The following TEX11 variants were observed in gnomAD, a reference collection of about 807,000 sequenced individuals.
TEX11 encodes the protein testis-expressed protein 11.
TEX11 carries 7 observed loss-of-function variants against 84.4 expected under a neutral mutation model. The ratio of observed to expected loss-of-function variants is 0.08; its 90% CI spans 0.05 to 0.16. The LOEUF is 0.16. Ranked by LOEUF, TEX11 falls within the 10% of genes least tolerant of loss-of-function variation. TEX11 has a pLI of 1.00. For synonymous variants in TEX11, 264 were observed against 222.8 expected (o/e 1.18, Z -1.64); for missense variants, 551 against 660.5 (o/e 0.83, Z 1.82).
intron 28 of TEX11, among the ~76,000 whole-genome samples, chrX:70,547,212 C>T (rs896383440): frequency 9.1e-6 from 1 of 109,737 alleles, no homozygotes; most frequent in Non-Finnish European, 1.9e-5. Context: ...TCTGTGGTTG[C>T]CTGGAGCTGA....
chrX:70,581,293 G>C (rs1361905008), intron 25 of TEX11, among the ~76,000 whole-genome samples: 1 of 62,491 alleles, frequency 1.6e-5, no homozygotes, highest in Admixed American at 1.8e-4. Flanking sequence ...ATATACTGTT[G>C]CTTTTTTTTT....
chrX:70,743,705 G>A (rs892595735), intron 10 of TEX11, among the ~76,000 whole-genome samples: 5 of 110,476 alleles, frequency 4.5e-5, no homozygotes, highest in South Asian at 3.9e-4. Context: ...GCAGAACCCC[G>A]TCTCTGCTAA....
chrX:70,563,508 C>T (rs1029140008), intron 25 of TEX11, among the ~76,000 whole-genome samples: 1 of 111,677 alleles, frequency 9.0e-6, no homozygotes, highest in Non-Finnish European at 1.9e-5. Flanking sequence ...TCAATTAGAC[C>T]TAAGATGTGA....
intron 3 of TEX11, among the ~76,000 whole-genome samples, chrX:70,874,711 A>C (rs1472438116): frequency 2.7e-5 from 3 of 109,430 alleles, no homozygotes; most frequent in Non-Finnish European, 5.7e-5. Flanking sequence ...TGACTTTCAT[A>C]CTAAGTATTA....
intron 9 of TEX11, among the ~76,000 whole-genome samples, chrX:70,797,948 C>G (rs919335211): frequency 1.1e-5 from 1 of 94,054 alleles, no homozygotes; most frequent in Non-Finnish European, 2.1e-5. Context: ...AGGAAAAAAG[C>G]AAAGCAAAGA....
At chrX:70,749,960 G>C (rs1031321778) in intron 9 of TEX11, among the ~76,000 whole-genome samples, 114 of 110,979 alleles carry the variant, frequency 1.0e-3, no homozygotes, top group African/African-American at 3.6e-3. Flanking sequence ...CACAGCAAAA[G>C]AAACTACCAT....
chrX:70,782,717 A>T (rs1408051502), intron 9 of TEX11, among the ~76,000 whole-genome samples: 1 of 108,634 alleles, frequency 9.2e-6, no homozygotes, highest in Non-Finnish European at 1.9e-5. Context: ...ACCAGTAAAG[A>T]TCAAAAAAGA....
At chrX:70,711,252 T>A (rs2090429770) in intron 13 of TEX11, among the ~76,000 whole-genome samples, 1 of 111,657 alleles carries the variant, frequency 9.0e-6, no homozygotes, top group Non-Finnish European at 1.9e-5. Context: ...TAAACATACG[T>A]GTACATGTGT....
intron 2 of TEX11, among the ~76,000 whole-genome samples, chrX:70,891,495 A>G (rs925591165): frequency 9.0e-6 from 1 of 111,583 alleles, no homozygotes; most frequent in Non-Finnish European, 1.9e-5. Flanking sequence ...AAAAAAGATT[A>G]GATGAATGGC....
intron 3 of TEX11, among the ~76,000 whole-genome samples, chrX:70,876,908 A>AAAAC (rs767494813): frequency 0.1 from 11,253 of 110,359 alleles, 611 homozygotes; most frequent in Non-Finnish European, 0.16. Context: ...ACTGTCTCAA[A>AAAAC]AAACAAACAA....
intron 20 of TEX11, among the ~76,000 whole-genome samples, chrX:70,620,711 A>G (rs1244445054): frequency 1.8e-5 from 2 of 112,669 alleles, no homozygotes; most frequent in African/African-American, 6.4e-5. Context: ...GATGCCCTTC[A>G]GTAGGTGAAT....
chrX:70,570,871 T>C (rs1039163670), intron 25 of TEX11, among the ~76,000 whole-genome samples: 2 of 111,751 alleles, frequency 1.8e-5, no homozygotes, highest in African/African-American at 6.5e-5. Context: ...GATTTTAATG[T>C]CTGAGGGATT....
chrX:70,528,907 A>T, downstream of TEX11: 1 of 436,178 alleles, frequency 2.3e-6, no homozygotes, highest in Non-Finnish European at 4.0e-6. Context: ...TGGAAAATTC[A>T]TTTGTCCCCC....
At position 70,759,827 on chromosome X, in the gene TEX11, G is replaced by A. The variant is rs184614771; in HGVS notation, c.693-15608C>T. On this transcript the variant is annotated intron_variant, in intron 9 of 29. Coordinates refer to ENST00000374333, the MANE Select transcript of TEX11 (RefSeq NM_031276.3). ...TAGGAAAAGAGGAAGTCAAATTGTCGCTGTTTGCAGATGACATGATTGTAT... is the reference window on the plus strand; with the variant it reads ...TAGGAAAAGAGGAAGTCAAATTGTCACTGTTTGCAGATGACATGATTGTAT... Among the ~76,000 whole-genome samples the A allele has an allele frequency of 1.8e-4, 20 of 111,292 alleles. No individual in the cohort carries two copies. In the East Asian group the frequency reaches 2.0e-3, roughly 11 times the overall value.
At chrX:70,594,808 C>T (rs1051904945) in intron 24 of TEX11, among the ~76,000 whole-genome samples, 12 of 111,374 alleles carry the variant, frequency 1.1e-4, no homozygotes, top group African/African-American at 2.9e-4. Context: ...CCACTTCACT[C>T]GGCTTTCATT....
At chrX:70,674,363 G>T (rs1401249569) in intron 15 of TEX11, among the ~76,000 whole-genome samples, 1 of 111,880 alleles carries the variant, frequency 8.9e-6, no homozygotes, top group African/African-American at 3.2e-5. Flanking sequence ...ATGAACATTT[G>T]CATGTATGTG....
At chrX:70,734,791 C>T (rs116000885) in intron 11 of TEX11, among the ~76,000 whole-genome samples, 1,276 of 111,144 alleles carry the variant, frequency 0.011, 13 homozygotes, top group African/African-American at 0.039. Flanking sequence ...TGTTTTTTAA[C>T]GTGGTTGTAC....
intron 17 of TEX11, among the ~76,000 whole-genome samples, chrX:70,636,160 GCC>G (rs1249010838): frequency 9.1e-6 from 1 of 110,306 alleles, no homozygotes; most frequent in African/African-American, 3.3e-5. Context: ...CCCCAGGCTG[GCC>G]CCCACAGACC....
intron 4 of TEX11, among the ~76,000 whole-genome samples, chrX:70,871,845 CT>C (rs2091631053): frequency 9.4e-6 from 1 of 106,174 alleles, no homozygotes; most frequent in Non-Finnish European, 1.9e-5. Flanking sequence ...TTTTTCTCCA[CT>C]TTCCCCACCC....
Sources: gnomAD v4.1 joint callset for allele counts (sites outside exome capture counted in the v4.1 genomes callset) on GRCh38, gnomAD v4.1.1 for gene constraint, MANE v1.5 for transcripts, NCBI Gene and HGNC (gene_info 2026-07-23, HGNC 2026-07-21) for gene names.